Variants in GDPD4 observed in about 807,000 individuals in gnomAD.
GDPD4 encodes the protein glycerophosphodiester phosphodiesterase domain containing 4, also known as glycerophosphodiester phosphodiesterase 6.
In GDPD4, 60 loss-of-function variants were observed where a neutral mutation model predicts 67.8. The observed-to-expected ratio is 0.88, with a 90% CI of 0.72 to 1.10. The LOEUF is 1.10. Ranked by LOEUF, GDPD4 falls within the 50% of genes least tolerant of loss-of-function variation. GDPD4 has a pLI of 0.00. For missense variants in GDPD4, 623 were observed against 613.9 expected, an observed-to-expected ratio of 1.01 and a Z score of -0.16; for synonymous variants, 212 against 210.9, an observed-to-expected ratio of 1.00 and a Z score of -0.04.
At chr11:77,245,562 C>A (rs539232786) in intron 11 of GDPD4, 60 bp from the exon 12 acceptor site, 7 of 1,128,064 alleles carry the variant, frequency 6.2e-6, no homozygotes, top group African/African-American at 1.5e-5. Flanking sequence ...TACTATGTAG[C>A]CACACATCCA....
rs777758542 is a variant in GDPD4 at position 77,245,267 on chromosome 11, TGA to T, written c.1086+12_1086+13del. 6.2e-7 allele frequency: 1 copy of T among 1,603,092 alleles called. No individual in the cohort carries two copies. The highest frequency in any genetic ancestry group is 1.1e-5 in the South Asian group (1 of 90,834). The stretch of plus-strand genomic sequence containing the variant: ...ACCTCCCAACCTATGTCATAAATAC[TGA>T]GATAGACTTACCAGATGTTGCTCGA... On this transcript the variant is annotated intron_variant, in intron 12 of 16. Coordinates refer to ENST00000315938, the MANE Select transcript of GDPD4 (RefSeq NM_182833.3).
intron 1 of GDPD4, among the ~76,000 whole-genome samples, chr11:77,287,821 A>G (rs1318010891): frequency 3.3e-5 from 5 of 152,218 alleles, no homozygotes; most frequent in African/African-American, 1.2e-4. Context: ...TCGTTGACTA[A>G]TAAGTGACTC....
intron 1 of GDPD4, among the ~76,000 whole-genome samples, chr11:77,296,339 A>G (rs1165248330): frequency 1.5e-5 from 2 of 132,650 alleles, no homozygotes; most frequent in African/African-American, 5.5e-5. Flanking sequence ...TTTTTTTTTT[A>G]GACTGAGTTT....
In GDPD4 at chr11:77,217,068, G is replaced by A. The variant is rs1350361785; in HGVS notation, c.*209C>T. 2 of 704,646 alleles carry A rather than the reference G, an allele frequency of 2.8e-6. No homozygotes were observed. The highest frequency in any genetic ancestry group is 5.2e-6 in the Non-Finnish European group (2 of 385,170). 43.6% of individuals were successfully genotyped at this position (704,646 alleles called of 1,614,324 possible). A position where few individuals can be genotyped will look rare whatever the true frequency, so the allele number is the denominator to read the frequency against. On this transcript the variant is annotated 3_prime_UTR_variant, in exon 17 of 17. Coordinates refer to ENST00000315938, the MANE Select transcript of GDPD4 (RefSeq NM_182833.3). Reference sequence around the variant, plus strand: ...TGGGTGAGTTCAAAGACCACGGTGGGCATCGGTGGTTGAATCTCATGCTTG... The same window carrying A: ...TGGGTGAGTTCAAAGACCACGGTGGACATCGGTGGTTGAATCTCATGCTTG...
In GDPD4 at chr11:77,271,317, A is replaced by G. The variant is rs1317613424; in HGVS notation, c.284T>C (p.Leu95Pro). ...TACCTGCATTGACAGCCCAGCTACCAGCCACCTTTCTTTCCAGAATTTGCA... is the reference window on the plus strand; with the variant it reads ...TACCTGCATTGACAGCCCAGCTACCGGCCACCTTTCTTTCCAGAATTTGCA... ...IICKFWKERW[L>P]VAGLSMQIFA... The change falls in exon 6 of 17, where the codon CTG becomes CCG. Residue 95 changes from leucine to proline, a missense_variant. Transcript: ENST00000315938. 8.7e-6 allele frequency: 14 copies of G among 1,613,754 alleles called. No homozygotes were observed. Among genetic ancestry groups the G allele is most frequent in the Non-Finnish European group, 1.0e-5 (12 of 1,179,596 alleles).
rs552616366 is a variant in GDPD4 at position 77,217,113 on chromosome 11, C to G, written c.*164G>C. On this transcript the variant is annotated 3_prime_UTR_variant, in exon 17 of 17. Transcript: ENST00000315938. ...TGCTTGCCAGGCTTCAAAGGTGTGA[C>G]AGCATTCTTGATAGGTAGTAGTTTC... The G allele has an allele frequency of 1.4e-5, 10 of 716,116 alleles. No homozygotes were observed. The highest frequency in any genetic ancestry group is 2.1e-5 in the Non-Finnish European group (8 of 388,674). The allele number at this position is 716,116 out of a possible 1,614,324, so 44.4% of individuals were successfully genotyped here. A position where few individuals can be genotyped will look rare whatever the true frequency, so the allele number is the denominator to read the frequency against.
intron 11 of GDPD4, among the ~76,000 whole-genome samples, chr11:77,247,755 G>C (rs971337371): frequency 1.3e-5 from 2 of 152,162 alleles, no homozygotes; most frequent in Non-Finnish European, 2.9e-5. Flanking sequence ...TATTGGTTAA[G>C]AAATAGAAAG....
At chr11:77,294,481 A>G (rs928929245) in intron 1 of GDPD4, among the ~76,000 whole-genome samples, 1 of 152,200 alleles carries the variant, frequency 6.6e-6, no homozygotes, top group African/African-American at 2.4e-5. Flanking sequence ...AGAAGACTCA[A>G]GTAAAGACTC....
rs372529229 is a variant in GDPD4 at position 77,275,603 on chromosome 11, C to T, written c.207+558G>A. The stretch of plus-strand genomic sequence containing the variant: ...GAAATGAACCCCTGATTCCCTTTCT[C>T]CCCTCTCCTTGTGAGACTGTGCTCG... On this transcript the variant is annotated intron_variant, in intron 5 of 16. Transcript: ENST00000315938. 5.3e-5 allele frequency among the ~76,000 whole-genome samples: 8 copies of T among 152,262 alleles called. No individual in the cohort carries two copies. The South Asian group carries it at 1.7e-3, about 32-fold the overall frequency.
intron 16 of GDPD4, among the ~76,000 whole-genome samples, chr11:77,217,979 CTTTTAT>C (rs1308181783): frequency 6.6e-6 from 1 of 151,232 alleles, no homozygotes; most frequent in African/African-American, 2.5e-5. Context: ...TTAGATTTAC[CTTTTAT>C]TTTTATTAAT....
intron 11 of GDPD4, among the ~76,000 whole-genome samples, chr11:77,248,205 C>CTTTTT (rs974874400): frequency 2.1e-5 from 3 of 140,858 alleles, no homozygotes; most frequent in Non-Finnish European, 3.1e-5. Flanking sequence ...ATTTTCTTTT[C>CTTTTT]TTTTTTTTTT....
intron 11 of GDPD4, among the ~76,000 whole-genome samples, chr11:77,254,772 G>T (rs555650261): frequency 6.6e-6 from 1 of 151,956 alleles, no homozygotes; most frequent in Admixed American, 6.6e-5. Flanking sequence ...TTCTTATTTT[G>T]TTATAAGATT....
intron 13 of GDPD4, among the ~76,000 whole-genome samples, chr11:77,238,660 TTAAAAATAG>T (rs1176821551): frequency 1.3e-5 from 2 of 151,092 alleles, no homozygotes; most frequent in Non-Finnish European, 2.9e-5. Context: ...TTTTAAAACA[TTAAAAATAG>T]ACCAATAACA....
chr11:77,248,451 T>G (rs1343581024), intron 11 of GDPD4, among the ~76,000 whole-genome samples: 1 of 152,054 alleles, frequency 6.6e-6, no homozygotes, highest in Non-Finnish European at 1.5e-5. Context: ...TCCACCTGTC[T>G]CGGCCTCCCA....
At chr11:77,255,231 C>T (rs1418974557) in intron 11 of GDPD4, among the ~76,000 whole-genome samples, 1 of 152,100 alleles carries the variant, frequency 6.6e-6, no homozygotes, top group Non-Finnish European at 1.5e-5. Context: ...ACAACTAACC[C>T]AAACATTCAA....
chr11:77,237,476 C>T (rs1356498248), intron 13 of GDPD4, among the ~76,000 whole-genome samples: 2 of 151,870 alleles, frequency 1.3e-5, no homozygotes, highest in African/African-American at 2.4e-5. Context: ...AATACTACAC[C>T]CAACAACTGA....
chr11:77,272,491 G>T (rs1959260741), intron 5 of GDPD4, among the ~76,000 whole-genome samples: 1 of 152,184 alleles, frequency 6.6e-6, no homozygotes, highest in Non-Finnish European at 1.5e-5. Context: ...TTTTCCAGTG[G>T]CAGGCTGGGA....
intron 1 of GDPD4, among the ~76,000 whole-genome samples, chr11:77,289,002 G>A (rs1047534578): frequency 2.0e-5 from 3 of 151,782 alleles, no homozygotes; most frequent in Non-Finnish European, 4.4e-5. Flanking sequence ...AACCCAGTAA[G>A]GTGAAAGAAA....
In GDPD4 at chr11:77,245,723, TG is replaced by T. The variant is rs562164884; in HGVS notation, c.865-222del. Among the ~76,000 whole-genome samples, 26 of 152,318 alleles carry T rather than the reference TG, an allele frequency of 1.7e-4. No homozygotes were observed. The South Asian group carries it at 5.4e-3, about 32-fold the overall frequency. ...GTCTCTTCTATATCCTACAACCTGT[TG>T]TATTTGCACTGAAGGTCATGTTCTT... On this transcript the variant is annotated intron_variant, in intron 11 of 16. Coordinates refer to ENST00000315938, the MANE Select transcript of GDPD4 (RefSeq NM_182833.3).
Sources: allele counts gnomAD v4.1 joint callset (sites outside exome capture counted in the v4.1 genomes callset), GRCh38; gene constraint gnomAD v4.1.1; transcripts MANE v1.5; gene names NCBI Gene and HGNC (gene_info 2026-07-23, HGNC 2026-07-21).